TBC1D22A: variants seen among roughly 807,000 people sequenced by gnomAD.
The protein encoded by TBC1D22A is TBC1 domain family member 22A, also known as putative GTPase activator.
Under a neutral mutation model 60.2 loss-of-function variants are expected in TBC1D22A, and 38 were observed. That is an observed-to-expected ratio of 0.63 (90% CI 0.49 to 0.83). TBC1D22A has a LOEUF of 0.83. Ranked by LOEUF, TBC1D22A falls within the 40% of genes least tolerant of loss-of-function variation. The pLI, the probability that TBC1D22A is intolerant of heterozygous loss-of-function variation, is 0.00. For synonymous variants in TBC1D22A, 302 were observed against 281.7 expected, an observed-to-expected ratio of 1.07 and a Z score of -0.72; for missense variants, 628 against 701.0, an observed-to-expected ratio of 0.90 and a Z score of 1.18.
intron 4 of TBC1D22A, among the ~76,000 whole-genome samples, chr22:46,826,598 G>A (rs995403499): frequency 6.6e-6 from 1 of 152,192 alleles, no homozygotes; most frequent in Non-Finnish European, 1.5e-5. Context: ...CTGGAAGGTG[G>A]ATGGGATGCA....
At chr22:47,027,845 A>G (rs752474217) in intron 10 of TBC1D22A, among the ~76,000 whole-genome samples, 2 of 152,238 alleles carry the variant, frequency 1.3e-5, no homozygotes, top group Non-Finnish European at 2.9e-5. Flanking sequence ...GGGCTGCGAC[A>G]GAGCCTAGGG....
At chr22:46,906,553 T>A (rs1107134) in intron 7 of TBC1D22A, among the ~76,000 whole-genome samples, 5 of 151,688 alleles carry the variant, frequency 3.3e-5, no homozygotes, top group African/African-American at 1.2e-4. Flanking sequence ...GCGGGAGCAC[T>A]CACCATGGGT....
At chr22:47,168,656 A>G (rs967507118) in intron 12 of TBC1D22A, among the ~76,000 whole-genome samples, 1 of 152,020 alleles carries the variant, frequency 6.6e-6, no homozygotes, top group African/African-American at 2.4e-5. Context: ...CAGGGTCTCG[A>G]AGGAACCCAG....
chr22:46,879,240 A>C (rs1407814101), intron 5 of TBC1D22A, among the ~76,000 whole-genome samples: 1 of 150,250 alleles, frequency 6.7e-6, no homozygotes, highest in Non-Finnish European at 1.5e-5. Flanking sequence ...TGGAGTGTGG[A>C]GTTCTGGCTG....
At chr22:46,999,753 C>T (rs541944825) in intron 10 of TBC1D22A, among the ~76,000 whole-genome samples, 2 of 152,192 alleles carry the variant, frequency 1.3e-5, no homozygotes, top group East Asian at 1.9e-4. Context: ...AGGCCGGGCG[C>T]GGTGGCTCAC....
At chr22:47,100,629 T>A (rs1281157925) in intron 11 of TBC1D22A, among the ~76,000 whole-genome samples, 4 of 152,186 alleles carry the variant, frequency 2.6e-5, no homozygotes, top group Non-Finnish European at 5.9e-5. Flanking sequence ...GCACACGCTC[T>A]CTCCTTTTTT....
intron 11 of TBC1D22A, among the ~76,000 whole-genome samples, chr22:47,107,766 C>G (rs923343890): frequency 8.5e-5 from 13 of 152,202 alleles, no homozygotes; most frequent in African/African-American, 3.1e-4. Context: ...GAAGAAGACA[C>G]AAGTGAGGAC....
chr22:47,075,156 G>A (rs1280774823), intron 11 of TBC1D22A, among the ~76,000 whole-genome samples: 1 of 149,070 alleles, frequency 6.7e-6, no homozygotes, highest in African/African-American at 2.5e-5. Context: ...CAGGGAGGCG[G>A]AGCTTGCAGT....
At chr22:47,081,136 A>G (rs1176682371) in intron 11 of TBC1D22A, among the ~76,000 whole-genome samples, 1 of 151,830 alleles carries the variant, frequency 6.6e-6, no homozygotes, top group Non-Finnish European at 1.5e-5. Context: ...AAAAAAAAAA[A>G]AAAAAATGAC....
intron 12 of TBC1D22A, among the ~76,000 whole-genome samples, chr22:47,150,579 T>A (rs1269956410): frequency 6.6e-6 from 1 of 152,216 alleles, no homozygotes; most frequent in Non-Finnish European, 1.5e-5. Flanking sequence ...CCTCTGCACC[T>A]GGGTGCCTGG....
chr22:47,055,207 C>T (rs1230548612), intron 11 of TBC1D22A, among the ~76,000 whole-genome samples: 1 of 152,246 alleles, frequency 6.6e-6, no homozygotes, highest in Non-Finnish European at 1.5e-5. Flanking sequence ...CCCTACTGCT[C>T]CCACAAGTCT....
At chr22:46,889,422 T>C (rs1311476567) in intron 5 of TBC1D22A, among the ~76,000 whole-genome samples, 1 of 152,184 alleles carries the variant, frequency 6.6e-6, no homozygotes, top group Non-Finnish European at 1.5e-5. Flanking sequence ...CTTGTCGGAA[T>C]GTAAAGTGGA....
At chr22:47,016,260 G>A (rs1603010783) in intron 10 of TBC1D22A, among the ~76,000 whole-genome samples, 1 of 152,102 alleles carries the variant, frequency 6.6e-6, no homozygotes, top group Admixed American at 6.5e-5. Flanking sequence ...GTCACACTTG[G>A]TGACCTGTCA....
intron 8 of TBC1D22A, among the ~76,000 whole-genome samples, chr22:46,960,562 T>A (rs968369371): frequency 5.9e-5 from 9 of 152,218 alleles, no homozygotes; most frequent in Non-Finnish European, 1.2e-4. Flanking sequence ...ACGCCTGGCC[T>A]CTTGGCGTCT....
At chr22:47,129,862 T>C (rs1458994607) in intron 12 of TBC1D22A, among the ~76,000 whole-genome samples, 2 of 152,258 alleles carry the variant, frequency 1.3e-5, no homozygotes, top group Non-Finnish European at 2.9e-5. Context: ...CTGTGTCTAC[T>C]GTTTTCTTGT....
chr22:46,998,612 G>A (rs1281612428), intron 10 of TBC1D22A, among the ~76,000 whole-genome samples: 3 of 152,234 alleles, frequency 2.0e-5, no homozygotes, highest in Non-Finnish European at 2.9e-5. Context: ...ACAGAAGGCC[G>A]TAACAGCAGT....
At chr22:46,877,589 G>A (rs559503872) in intron 4 of TBC1D22A, among the ~76,000 whole-genome samples, 3 of 152,236 alleles carry the variant, frequency 2.0e-5, no homozygotes, top group South Asian at 2.1e-4. Flanking sequence ...TGCGACTATC[G>A]CCCAATTATT....
chr22:46,786,658 G>A lies in TBC1D22A; in HGVS notation c.63-5862G>A, dbSNP rs1178336872. Among the ~76,000 whole-genome samples the A allele has an allele frequency of 2.0e-5, 3 of 152,134 alleles. No homozygotes were observed. In the East Asian group the frequency reaches 5.8e-4, roughly 29 times the overall value. ...GGGCTTGGACTTTTCTTTGTGCGTA[G>A]TGTTTTGATTACTAATTTAGTCTCT... On this transcript the variant is annotated intron_variant, in intron 1 of 12. Transcript: ENST00000337137.
intron 4 of TBC1D22A, among the ~76,000 whole-genome samples, chr22:46,805,531 C>T (rs758400601): frequency 6.6e-6 from 1 of 152,192 alleles, no homozygotes; most frequent in Non-Finnish European, 1.5e-5. Flanking sequence ...GGGGCTGTCA[C>T]CATCATGGGG....
Sources: allele counts gnomAD v4.1 joint callset (sites outside exome capture counted in the v4.1 genomes callset), GRCh38; gene constraint gnomAD v4.1.1; transcripts MANE v1.5; gene names NCBI Gene and HGNC (gene_info 2026-07-23, HGNC 2026-07-21).